IL33: variants seen among roughly 807,000 people sequenced by gnomAD.
IL33 encodes interleukin-33.
A neutral mutation model predicts 27.3 loss-of-function variants in IL33; 37 were observed. That is an observed-to-expected ratio of 1.36 (90% CI 1.04 to 1.78). The LOEUF is 1.78. Ranked by LOEUF, IL33 falls within the 40% of genes most tolerant of loss-of-function variation. The probability of loss-of-function intolerance (pLI) is 0.00; values close to 1 mark genes in which losing one functional copy is unlikely to be tolerated. For missense variants in IL33, 406 were observed against 311.4 expected, an observed-to-expected ratio of 1.30 and a Z score of -2.29; for synonymous variants, 132 against 102.9, an observed-to-expected ratio of 1.28 and a Z score of -1.71.
At chr9:6,242,726 C>T (rs1000038492) in intron 2 of IL33, 2 of 152,110 alleles carry the variant, frequency 1.3e-5, no homozygotes, top group African/African-American at 2.4e-5. Context: ...CAAGATCTTT[C>T]GTGGCAAAGT....
chr9:6,245,331 G>T (rs1411726267), intron 2 of IL33, among the ~76,000 whole-genome samples: 1 of 152,174 alleles, frequency 6.6e-6, no homozygotes, highest in Non-Finnish European at 1.5e-5. Context: ...TAGAAACACT[G>T]GGTCCATATC....
chr9:6,236,931 C>T (rs1819246718), intron 1 of IL33, among the ~76,000 whole-genome samples: 1 of 152,162 alleles, frequency 6.6e-6, no homozygotes, highest in African/African-American at 2.4e-5. Context: ...TGTTTAGGAT[C>T]TGACGGTAGG....
intron 2 of IL33, among the ~76,000 whole-genome samples, chr9:6,249,074 A>T (rs562205786): frequency 6.6e-6 from 1 of 152,348 alleles, no homozygotes; most frequent in African/African-American, 2.4e-5. Flanking sequence ...TAAATACAAG[A>T]TACCACCGTT....
rs1438202491 is a variant in IL33 at position 6,257,353 on chromosome 9, A to G, written c.*1185A>G. 6.6e-6 allele frequency: 1 copy of G among 152,496 alleles called. No homozygotes were observed. Among genetic ancestry groups the G allele is most frequent in the African/African-American group, 2.4e-5 (1 of 41,442 alleles). The allele number at this position is 152,496 out of a possible 1,614,324, so 9.4% of individuals were successfully genotyped here. ...TTCTTTTAACTACCATGCCCTTGAT[A>G]TATCTTTTGCACCTGCTGAACTTCA... is the stretch of plus-strand genomic sequence containing the variant. On this transcript the variant is annotated 3_prime_UTR_variant, in exon 8 of 8. Coordinates refer to ENST00000682010, the MANE Select transcript of IL33 (RefSeq NM_033439.4).
intron 2 of IL33, among the ~76,000 whole-genome samples, chr9:6,249,362 G>A (rs946384135): frequency 6.6e-6 from 1 of 152,106 alleles, no homozygotes; most frequent in African/African-American, 2.4e-5. Context: ...CTGAATTACT[G>A]TGACTAATTG....
chr9:6,246,280 C>G (rs922845169), intron 2 of IL33, among the ~76,000 whole-genome samples: 11 of 151,736 alleles, frequency 7.2e-5, no homozygotes, highest in African/African-American at 2.7e-4. Flanking sequence ...AGAGGTGGAA[C>G]CGGCTGGGTG....
chr9:6,256,254 A>G lies in IL33; in HGVS notation c.*86A>G, dbSNP rs1352505297. On this transcript the variant is annotated 3_prime_UTR_variant, in exon 8 of 8. Transcript: ENST00000682010. ...AGAGATAAAGAAAGAGACAGGTGAC[A>G]TCTAAGGGAAATGAAGAGTGCTTAG... 7 of 951,804 alleles carry G rather than the reference A, an allele frequency of 7.4e-6. No homozygotes were observed. Among genetic ancestry groups the G allele is most frequent in the Non-Finnish European group, 9.9e-6 (6 of 608,120 alleles). The allele number at this position is 951,804 out of a possible 1,614,324, so 59.0% of individuals were successfully genotyped here. A position where few individuals can be genotyped will look rare whatever the true frequency, so the allele number is the denominator to read the frequency against.
chr9:6,255,151 C>T (rs1161050942), intron 7 of IL33, among the ~76,000 whole-genome samples: 3 of 152,036 alleles, frequency 2.0e-5, no homozygotes, highest in East Asian at 1.9e-4. Context: ...GGCATTATTA[C>T]ATTGGTCATG....
chr9:6,241,615 T>C (rs1000763263), intron 1 of IL33, 69 bp from the exon 2 acceptor site: 9 of 865,940 alleles, frequency 1.0e-5, no homozygotes, highest in East Asian at 2.7e-5. Context: ...GGTAGTGAGC[T>C]AGCCACAGTT....
In IL33 at chr9:6,256,863, A is replaced by G. The variant is rs1025747943; in HGVS notation, c.*695A>G. On this transcript the variant is annotated 3_prime_UTR_variant, in exon 8 of 8. Coordinates refer to ENST00000682010, the MANE Select transcript of IL33 (RefSeq NM_033439.4). ...GAATAACTTCATTTCTAATTGTTTA[A>G]TTTTTAAAATTCTGATTTTTATATA... 1 of 152,286 alleles carries G rather than the reference A, an allele frequency of 6.6e-6. No homozygotes were observed. The highest frequency in any genetic ancestry group is 6.5e-5 in the Admixed American group (1 of 15,276). 9.4% of individuals were successfully genotyped at this position (152,286 alleles called of 1,614,324 possible).
chr9:6,221,775 G>A (rs1278956356), intron 1 of IL33, among the ~76,000 whole-genome samples: 6 of 152,090 alleles, frequency 3.9e-5, no homozygotes, highest in Admixed American at 6.5e-5. Flanking sequence ...GCAAAGGAAA[G>A]GCTACCAATT....
chr9:6,218,509 A>G (rs1354090623), intron 1 of IL33, among the ~76,000 whole-genome samples: 1 of 151,788 alleles, frequency 6.6e-6, no homozygotes, highest in Non-Finnish European at 1.5e-5. Context: ...ATGAAATTCA[A>G]TTGTGAAAAG....
intron 1 of IL33, among the ~76,000 whole-genome samples, chr9:6,228,347 T>C (rs967953323): frequency 6.6e-6 from 1 of 152,190 alleles, no homozygotes; most frequent in African/African-American, 2.4e-5. Flanking sequence ...TATTTAACTC[T>C]ACATGCTTTT....
chr9:6,231,374 ACT>A (rs1384204723), intron 1 of IL33, among the ~76,000 whole-genome samples: 1 of 151,634 alleles, frequency 6.6e-6, no homozygotes, highest in Non-Finnish European at 1.5e-5. Context: ...CCACACTAGC[ACT>A]CTCTGTTCAC....
chr9:6,245,328 A>G (rs1334212357), intron 2 of IL33, among the ~76,000 whole-genome samples: 1 of 152,250 alleles, frequency 6.6e-6, no homozygotes, highest in African/African-American at 2.4e-5. Context: ...ATCTAGAAAC[A>G]CTGGGTCCAT....
intron 6 of IL33, among the ~76,000 whole-genome samples, chr9:6,253,879 G>T (rs1816565211): frequency 6.6e-6 from 1 of 152,192 alleles, no homozygotes; most frequent in Non-Finnish European, 1.5e-5. Flanking sequence ...GGGCTGCAAT[G>T]GCTCAACAAG....
At chr9:6,238,145 G>C (rs1225176147) in intron 1 of IL33, among the ~76,000 whole-genome samples, 1 of 152,176 alleles carries the variant, frequency 6.6e-6, no homozygotes, top group African/African-American at 2.4e-5. Context: ...AGACAGGATA[G>C]GGAAGTACTG....
At chr9:6,247,071 A>C in intron 2 of IL33, among the ~76,000 whole-genome samples, 1 of 152,230 alleles carries the variant, frequency 6.6e-6, no homozygotes, top group East Asian at 1.9e-4. Context: ...CTCAGGAAAA[A>C]GACCAAAGAT....
Position 6,251,195 on chromosome 9 carries a change from G to C in IL33, c.273G>C (p.Val91=), listed in dbSNP as rs148426449. Residue 91 remains valine, a synonymous_variant, in exon 4 of 8, where the codon GTG becomes GTC. Transcript: ENST00000682010. The part of the protein sequence containing the change: ...VLAACQQQST[V]ECFAFGISGV... ...CTGCCTGTCAACAGCAGTCTACTGT[G>C]GAGTGCTTTGCCTTTGGTATATCAG... 274 of 1,613,998 alleles carry C rather than the reference G, an allele frequency of 1.7e-4. 1 individual carries two copies. The African/African-American group carries it at 3.2e-3, about 19-fold the overall frequency.
Sources: allele counts gnomAD v4.1 joint callset (sites outside exome capture counted in the v4.1 genomes callset), GRCh38; gene constraint gnomAD v4.1.1; transcripts MANE v1.5; gene names NCBI Gene and HGNC (gene_info 2026-07-23, HGNC 2026-07-21).